Variants in FAM240A observed in about 807,000 individuals in gnomAD.
The protein encoded by FAM240A is family with sequence similarity 240 member A, also known as protein FAM240A.
A neutral mutation model predicts 7.3 loss-of-function variants in FAM240A; 8 were observed. The ratio of observed to expected loss-of-function variants is 1.09; its 90% CI spans 0.64 to 1.97. The LOEUF (loss-of-function observed/expected upper bound fraction) is 1.97. Among genes scored for constraint, FAM240A ranks in the 30% most tolerant of loss-of-function variants. The probability of loss-of-function intolerance (pLI) is 0.00; values close to 1 mark genes in which losing one functional copy is unlikely to be tolerated. For synonymous variants in FAM240A, 32 were observed against 35.9 expected (o/e 0.89, Z 0.38); for missense variants, 90 against 102.2 (o/e 0.88, Z 0.52).
chr3:46,617,926 C>T (rs1162243571), intron 2 of FAM240A, among the ~76,000 whole-genome samples: 4 of 152,160 alleles, frequency 2.6e-5, no homozygotes, highest in African/African-American at 9.7e-5. Flanking sequence ...CGTGGGCAAA[C>T]GAGGGTCACC....
chr3:46,613,909 ATTTGTTTGTTTG>A (rs146493522), intron 1 of FAM240A, among the ~76,000 whole-genome samples: 1 of 151,716 alleles, frequency 6.6e-6, no homozygotes, highest in East Asian at 1.9e-4. Flanking sequence ...GGTATTAGAT[ATTTGTTTGTTTG>A]TTTGTTTGTT....
chr3:46,623,172 T>C (rs1697716327), intron 2 of FAM240A, among the ~76,000 whole-genome samples: 1 of 152,206 alleles, frequency 6.6e-6, no homozygotes, highest in Admixed American at 6.5e-5. Context: ...CTTTGATTTA[T>C]GGGTTATTTA....
intron 2 of FAM240A, among the ~76,000 whole-genome samples, chr3:46,622,204 C>T (rs922550609): frequency 2.8e-5 from 4 of 144,642 alleles, no homozygotes; most frequent in East Asian, 2.0e-4. Context: ...CTCCCAGGTT[C>T]GCGCCATTCT....
chr3:46,623,388 A>C (rs1697719069), intron 2 of FAM240A, among the ~76,000 whole-genome samples: 1 of 152,158 alleles, frequency 6.6e-6, no homozygotes, highest in Non-Finnish European at 1.5e-5. Context: ...TGTTAGGGAG[A>C]ATATTCTATA....
intron 1 of FAM240A, among the ~76,000 whole-genome samples, chr3:46,615,568 C>T (rs1012985958): frequency 6.6e-6 from 1 of 152,134 alleles, no homozygotes; most frequent in Admixed American, 6.5e-5. Flanking sequence ...TGGCAAAATG[C>T]CTGTCTGGAC....
At chr3:46,621,158 A>C (rs1403372627) in intron 2 of FAM240A, among the ~76,000 whole-genome samples, 1 of 152,200 alleles carries the variant, frequency 6.6e-6, no homozygotes, top group Non-Finnish European at 1.5e-5. Flanking sequence ...ACCTCTTCAC[A>C]ATCCAAGTAG....
At chr3:46,615,737 A>G (rs555463888) in intron 1 of FAM240A, among the ~76,000 whole-genome samples, 95 of 152,230 alleles carry the variant, frequency 6.2e-4, no homozygotes, top group Non-Finnish European at 1.2e-3. Flanking sequence ...TGAGCTTTCT[A>G]CTATATCCAC....
intron 2 of FAM240A, among the ~76,000 whole-genome samples, chr3:46,621,926 G>A (rs1189665842): frequency 6.6e-6 from 1 of 151,608 alleles, no homozygotes; most frequent in African/African-American, 2.4e-5. Flanking sequence ...TCCCTTTTCT[G>A]TATTCCTTTC....
At chr3:46,616,728 CAT>C (rs1366384136) in intron 1 of FAM240A, among the ~76,000 whole-genome samples, 345 of 147,108 alleles carry the variant, frequency 2.3e-3, no homozygotes, top group African/African-American at 7.4e-3. Context: ...CACACACACA[CAT>C]AAAACATTTT....
rs1697629970 is a variant in FAM240A, at chr3:46,616,505, AAT to A, written c.16-677_16-676del. Among the ~76,000 whole-genome samples, 3 of 152,336 alleles carry A rather than the reference AAT, an allele frequency of 2.0e-5. No homozygotes were observed. The South Asian group carries it at 6.2e-4, about 32-fold the overall frequency. ...CTAACCTCTTTCCTTCTGAGTCTCC[AAT>A]GCCCATTATACCACTCTGTTTGCCT... On this transcript the variant is annotated intron_variant, in intron 1 of 2. Transcript: ENST00000640551.
At chr3:46,613,592 C>T (rs905462546) in intron 1 of FAM240A, among the ~76,000 whole-genome samples, 5 of 152,036 alleles carry the variant, frequency 3.3e-5, no homozygotes, top group African/African-American at 1.2e-4. Context: ...CCCTCAGTCC[C>T]CTCCCCCAAC....
chr3:46,617,088 A>G (rs555300737), intron 1 of FAM240A, 95 bp from the exon 2 acceptor site: 272 of 835,158 alleles, frequency 3.3e-4, no homozygotes, highest in Admixed American at 7.1e-4. Context: ...TAGGTATCTC[A>G]TTGTGGTTTT....
chr3:46,626,113 G>A lies in FAM240A; in HGVS notation c.*895G>A, dbSNP rs1328079714. ...AAGAGATGCAATGATATAAAGTCCT[G>A]GGTACTTGCTGGCTGTAAGCAGCAC... On this transcript the variant is annotated 3_prime_UTR_variant, in exon 3 of 3. Coordinates refer to ENST00000640551, the MANE Select transcript of FAM240A (RefSeq NM_001195442.2). 2 of 152,320 alleles carry A rather than the reference G, an allele frequency of 1.3e-5. No individual in the cohort carries two copies. The highest frequency in any genetic ancestry group is 1.9e-4 in the East Asian group (1 of 5,190). 9.4% of individuals were successfully genotyped at this position (152,320 alleles called of 1,614,324 possible).
chr3:46,618,408 G>A lies in FAM240A; in HGVS notation c.161+1080G>A, dbSNP rs954484453. Among the ~76,000 whole-genome samples the A allele has an allele frequency of 6.6e-5, 10 of 152,202 alleles. No individual in the cohort carries two copies. In the South Asian group the frequency reaches 8.3e-4, roughly 13 times the overall value. On this transcript the variant is annotated intron_variant, in intron 2 of 2. Coordinates refer to ENST00000640551, the MANE Select transcript of FAM240A (RefSeq NM_001195442.2). ...CCTGTACCATGTGTGGGTTCCCTGG[G>A]GAGCAGGCAAAAGGCTTCAGGTGAA...
chr3:46,623,795 A>G (rs1287093921), intron 2 of FAM240A, among the ~76,000 whole-genome samples: 2 of 152,204 alleles, frequency 1.3e-5, no homozygotes, highest in Non-Finnish European at 2.9e-5. Flanking sequence ...TATAAGCAGT[A>G]TATATTTGGA....
At chr3:46,614,544 C>A (rs2107138738) in intron 1 of FAM240A, among the ~76,000 whole-genome samples, 1 of 152,302 alleles carries the variant, frequency 6.6e-6, no homozygotes, top group African/African-American at 2.4e-5. Flanking sequence ...CTCTTCAACC[C>A]AAAGGGAGCT....
intron 2 of FAM240A, among the ~76,000 whole-genome samples, chr3:46,623,017 T>C (rs889087160): frequency 6.6e-6 from 1 of 152,190 alleles, no homozygotes; most frequent in Non-Finnish European, 1.5e-5. Flanking sequence ...TACGTCCCTT[T>C]ATTTAGGTCT....
chr3:46,618,015 C>G (rs1314346680), intron 2 of FAM240A, among the ~76,000 whole-genome samples: 6 of 152,236 alleles, frequency 3.9e-5, no homozygotes, highest in Non-Finnish European at 8.8e-5. Flanking sequence ...GGAGGGACCG[C>G]CCTTTTGAGC....
chr3:46,622,032 T>G (rs1014898678), intron 2 of FAM240A, among the ~76,000 whole-genome samples: 3 of 151,810 alleles, frequency 2.0e-5, no homozygotes, highest in Admixed American at 6.6e-5. Context: ...TTGTCTTCTT[T>G]TCATTTTCTT....
Sources: allele counts gnomAD v4.1 joint callset (sites outside exome capture counted in the v4.1 genomes callset), GRCh38; gene constraint gnomAD v4.1.1; transcripts MANE v1.5; gene names NCBI Gene and HGNC (gene_info 2026-07-23, HGNC 2026-07-21).